Variants in SLC22A23 observed in about 807,000 individuals in gnomAD.
The protein encoded by SLC22A23 is ion transporter protein.
A neutral mutation model predicts 61.0 loss-of-function variants in SLC22A23; 26 were observed. The observed-to-expected ratio is 0.43, with a 90% CI of 0.31 to 0.59. The LOEUF is 0.59. Among genes scored for constraint, SLC22A23 ranks in the 20% least tolerant of loss-of-function variants. The pLI is 0.11. For missense variants in SLC22A23, 796 were observed against 934.7 expected (o/e 0.85, Z 1.94); for synonymous variants, 430 against 413.9 (o/e 1.04, Z -0.47).
intron 3 of SLC22A23, among the ~76,000 whole-genome samples, chr6:3,368,201 G>GT (rs1765960458): frequency 6.6e-6 from 1 of 152,140 alleles, no homozygotes; most frequent in Non-Finnish European, 1.5e-5. Context: ...TTGGGGATAC[G>GT]TTCCCCTCTC....
chr6:3,441,558 T>G (rs1377563345), intron 1 of SLC22A23, among the ~76,000 whole-genome samples: 1 of 152,036 alleles, frequency 6.6e-6, no homozygotes, highest in East Asian at 1.9e-4. Flanking sequence ...ACCCAAGCCC[T>G]CCTTGGGGAT....
chr6:3,394,636 C>A (rs12195149), intron 3 of SLC22A23, among the ~76,000 whole-genome samples: 1 of 152,106 alleles, frequency 6.6e-6, no homozygotes, highest in Non-Finnish European at 1.5e-5. Flanking sequence ...GAGTGATCCC[C>A]CCCAAACACA....
At chr6:3,343,067 G>A (rs1411067846) in intron 3 of SLC22A23, among the ~76,000 whole-genome samples, 1 of 152,182 alleles carries the variant, frequency 6.6e-6, no homozygotes, top group Non-Finnish European at 1.5e-5. Flanking sequence ...CACCTCTGCT[G>A]GGAGAAATCT....
At chr6:3,293,321 C>T (rs545266906) in intron 5 of SLC22A23, among the ~76,000 whole-genome samples, 10 of 152,306 alleles carry the variant, frequency 6.6e-5, no homozygotes, top group South Asian at 6.2e-4. Context: ...TAAAAAAGCA[C>T]ACCAAACGCT....
At chr6:3,413,378 C>G (rs963339625) in intron 2 of SLC22A23, among the ~76,000 whole-genome samples, 5 of 152,318 alleles carry the variant, frequency 3.3e-5, no homozygotes, top group Middle Eastern at 3.4e-3. Flanking sequence ...AGCTGGTGCT[C>G]CCCACTGGCC....
chr6:3,410,256 A>G lies in SLC22A23; in HGVS notation c.845T>C (p.Met282Thr). The change falls in exon 3 of 10, where the codon ATG becomes ACG. Residue 282 changes from methionine to threonine, a missense_variant. Transcript: ENST00000406686. The surrounding 1 kb of genome is among the most constrained non-coding windows in gnomAD (Gnocchi z 5.0). ...TTCAAAGAACCTGAGTGTGCTGAAC[A>G]TTGTCACATTCACTGACAGTGCCAC... The part of the protein sequence containing the change: ...LTVALSVNVT[M>T]FSTLRFFEGF... The G allele has an allele frequency of 6.2e-7, 1 of 1,614,046 alleles. No individual in the cohort carries two copies. Among genetic ancestry groups the G allele is most frequent in the South Asian group, 1.1e-5 (1 of 91,030 alleles).
At position 3,324,114 on chromosome 6, in the gene SLC22A23, T is replaced by A. The variant is rs182493599; in HGVS notation, c.914-112A>T. 426 of 1,344,804 alleles carry A rather than the reference T, an allele frequency of 3.2e-4. 1 individual carries two copies. In the African/African-American group the frequency reaches 5.7e-3, roughly 18 times the overall value. 83.3% of individuals were successfully genotyped at this position (1,344,804 alleles called of 1,614,324 possible). The stretch of plus-strand genomic sequence containing the variant: ...TAACCCACCAACGACTGAAATTGTT[T>A]TCATCTGCTGCCCACCACAAGTGCC... On this transcript the variant is annotated intron_variant, in intron 3 of 9. Coordinates refer to ENST00000406686, the MANE Select transcript of SLC22A23 (RefSeq NM_015482.2). This position sits in a 1 kb window ranked among gnomAD's most constrained non-coding sequence, Gnocchi z 4.3.
intron 4 of SLC22A23, chr6:3,302,967 G>T (rs535149089): frequency 6.6e-6 from 1 of 152,126 alleles, no homozygotes; most frequent in East Asian, 1.9e-4. Context: ...CATCTGACAG[G>T]GGATTAACAT....
intron 1 of SLC22A23, among the ~76,000 whole-genome samples, chr6:3,423,631 C>A (rs1278123133): frequency 1.3e-5 from 2 of 152,096 alleles, no homozygotes; most frequent in Non-Finnish European, 1.5e-5. Flanking sequence ...AGGAAGGAAC[C>A]CCACAGATCC....
chr6:3,372,705 G>A lies in SLC22A23; in HGVS notation c.913+37483C>T, dbSNP rs1766303633. Among the ~76,000 whole-genome samples the A allele has an allele frequency of 6.6e-6, 1 of 152,184 alleles. No individual in the cohort carries two copies. Among genetic ancestry groups the A allele is most frequent in the African/African-American group, 2.4e-5 (1 of 41,458 alleles). The stretch of plus-strand genomic sequence containing the variant: ...ATCCCAGGGAGCTGGAGCACAGCCG[G>A]GGCGTTAGATATGGAGCCTCAGGGT... On this transcript the variant is annotated intron_variant, in intron 3 of 9. Coordinates refer to ENST00000406686, the MANE Select transcript of SLC22A23 (RefSeq NM_015482.2). The surrounding 1 kb of genome is among the most constrained non-coding windows in gnomAD (Gnocchi z 4.7).
In SLC22A23 at chr6:3,272,986, C is replaced by A. The variant is rs1368508153; in HGVS notation, c.*69G>T. On this transcript the variant is annotated 3_prime_UTR_variant, in exon 10 of 10. Coordinates refer to ENST00000406686, the MANE Select transcript of SLC22A23 (RefSeq NM_015482.2). ...GCTTTCCCACCCCTGGCTGCGTGTT[C>A]GGTCCCTGGTCTGTAAACCTGTGCC... 2 of 1,379,334 alleles carry A rather than the reference C, an allele frequency of 1.4e-6. No homozygotes were observed. Among genetic ancestry groups the A allele is most frequent in the Middle Eastern group, 2.4e-4 (1 of 4,120 alleles). 85.4% of individuals were successfully genotyped at this position (1,379,334 alleles called of 1,614,324 possible). A position where few individuals can be genotyped will look rare whatever the true frequency, so the allele number is the denominator to read the frequency against.
chr6:3,336,799 C>CT (rs35612904), intron 3 of SLC22A23, among the ~76,000 whole-genome samples: 2,966 of 131,584 alleles, frequency 0.023, 86 homozygotes, highest in African/African-American at 0.064. Flanking sequence ...CTGTAGTAGG[C>CT]TTTTTTTTTT....
chr6:3,388,130 G>A lies in SLC22A23; in HGVS notation c.913+22058C>T, dbSNP rs556374176. 5.9e-5 allele frequency among the ~76,000 whole-genome samples: 9 copies of A among 152,306 alleles called. No homozygotes were observed. The South Asian group carries it at 1.5e-3, about 25-fold the overall frequency. On this transcript the variant is annotated intron_variant, in intron 3 of 9. Coordinates refer to ENST00000406686, the MANE Select transcript of SLC22A23 (RefSeq NM_015482.2). ...CTAGATGTAGGGAGAGGGCAAGCCCGCCACAGAAACACAGAAGGGGGTTCA... is the reference window on the plus strand; with the variant it reads ...CTAGATGTAGGGAGAGGGCAAGCCCACCACAGAAACACAGAAGGGGGTTCA...
At chr6:3,292,727 CAAAGCTACGCTCTCCTTGGA>C (rs1441417784) in intron 5 of SLC22A23, among the ~76,000 whole-genome samples, 6 of 152,230 alleles carry the variant, frequency 3.9e-5, no homozygotes, top group Admixed American at 6.5e-5. Flanking sequence ...GCACTTCCGG[CAAAGCTACGCTCTCCTTGGA>C]AAAGCTACGC....
chr6:3,394,793 C>T (rs1196259742), intron 3 of SLC22A23, among the ~76,000 whole-genome samples: 1 of 152,208 alleles, frequency 6.6e-6, no homozygotes, highest in Non-Finnish European at 1.5e-5. Context: ...CATGATAGTC[C>T]CATGTCCTCT....
rs1426839051 is a variant in SLC22A23 at position 3,386,368 on chromosome 6, A to T, written c.913+23820T>A. On this transcript the variant is annotated intron_variant, in intron 3 of 9. Coordinates refer to ENST00000406686, the MANE Select transcript of SLC22A23 (RefSeq NM_015482.2). The surrounding 1 kb of genome is among the most constrained non-coding windows in gnomAD (Gnocchi z 4.4). Reference sequence around the variant, plus strand: ...TGGAGAGCGAAGGAGAAGGGAGAGCACGCTTGCTCTGTGTACGCCACACGC... The same window carrying T: ...TGGAGAGCGAAGGAGAAGGGAGAGCTCGCTTGCTCTGTGTACGCCACACGC... 6.6e-6 allele frequency among the ~76,000 whole-genome samples: 1 copy of T among 152,160 alleles called. No homozygotes were observed. Among genetic ancestry groups the T allele is most frequent in the East Asian group, 1.9e-4 (1 of 5,178 alleles).
At chr6:3,418,841 G>C (rs1364594011) in intron 1 of SLC22A23, among the ~76,000 whole-genome samples, 1 of 152,226 alleles carries the variant, frequency 6.6e-6, no homozygotes, top group Admixed American at 6.5e-5. Context: ...TGGAGGCACC[G>C]CCGTTTAGCA....
intron 3 of SLC22A23, among the ~76,000 whole-genome samples, chr6:3,395,537 A>T (rs1767951045): frequency 6.6e-6 from 1 of 152,230 alleles, no homozygotes; most frequent in Non-Finnish European, 1.5e-5. Flanking sequence ...CTTTAAAGTA[A>T]TGCCACAAAT....
At chr6:3,437,048 A>G (rs2127545934) in intron 1 of SLC22A23, among the ~76,000 whole-genome samples, 1 of 152,328 alleles carries the variant, frequency 6.6e-6, no homozygotes, top group South Asian at 2.1e-4. Context: ...TCAGCTTCGC[A>G]AAAACTGCTG....
Sources: gnomAD v4.1 joint callset for allele counts (sites outside exome capture counted in the v4.1 genomes callset) on GRCh38, gnomAD v4.1.1 for gene constraint, Gnocchi (gnomAD v3.1) non-coding constraint, MANE v1.5 for transcripts, NCBI Gene and HGNC (gene_info 2026-07-23, HGNC 2026-07-21) for gene names.